The following RGS20 variants were observed in gnomAD, a reference collection of about 807,000 sequenced individuals.
RGS20 encodes gz-selective GTPase-activating protein.
In RGS20, 30 loss-of-function variants were observed where a neutral mutation model predicts 33.6. That is an observed-to-expected ratio of 0.89 (90% confidence interval 0.67 to 1.21). RGS20 has a LOEUF of 1.21. RGS20 is among the 50% of genes most tolerant of loss of function. RGS20 has a pLI of 0.00. For synonymous variants in RGS20, 208 were observed against 197.9 expected (o/e 1.05, Z -0.43); for missense variants, 472 against 502.4 (o/e 0.94, Z 0.58).
At position 53,877,482 on chromosome 8, in the gene RGS20, C is replaced by T. The variant is rs1226358956; in HGVS notation, c.166-1776C>T. On this transcript the variant is annotated intron_variant, in intron 1 of 5. Coordinates refer to ENST00000297313, the MANE Select transcript of RGS20 (RefSeq NM_170587.4). The surrounding 1 kb of genome is among the most constrained non-coding windows in gnomAD (Gnocchi z 5.7). ...CCAGCCGGAGGGGCGCGTCCCCTGT[C>T]CTCCTCCCGAGCGAGACGAACGCTC... Among the ~76,000 whole-genome samples the T allele has an allele frequency of 6.6e-6, 1 of 152,158 alleles. No individual in the cohort carries two copies. The highest frequency in any genetic ancestry group is 2.4e-5 in the African/African-American group (1 of 41,462).
intron 2 of RGS20, among the ~76,000 whole-genome samples, chr8:53,916,941 C>T (rs1456982722): frequency 1.3e-5 from 2 of 152,090 alleles, no homozygotes; most frequent in African/African-American, 2.4e-5. Flanking sequence ...TTCATAAGGA[C>T]ACGAATCCCT....
At chr8:53,867,262 G>T (rs1396520564) in intron 1 of RGS20, among the ~76,000 whole-genome samples, 1 of 151,900 alleles carries the variant, frequency 6.6e-6, no homozygotes, top group African/African-American at 2.4e-5. Flanking sequence ...AAGAGAAGTT[G>T]TTTTTTAAAA....
At chr8:53,888,486 G>A (rs1413636613) in intron 2 of RGS20, among the ~76,000 whole-genome samples, 2 of 152,064 alleles carry the variant, frequency 1.3e-5, no homozygotes, top group African/African-American at 2.4e-5. Context: ...GGAAATTTGG[G>A]GTTGAACAAC....
chr8:53,957,244 G>A (rs927004707), intron 5 of RGS20, among the ~76,000 whole-genome samples: 3 of 152,004 alleles, frequency 2.0e-5, no homozygotes, highest in East Asian at 3.9e-4. Context: ...CTCCTGCCTC[G>A]GCCTCCCGAG....
chr8:53,881,036 C>G (rs747710210), intron 2 of RGS20: 2 of 1,581,224 alleles, frequency 1.3e-6, no homozygotes. Context: ...CGGACGGAGG[C>G]GAGCCGGCCG....
intron 1 of RGS20, among the ~76,000 whole-genome samples, chr8:53,857,424 G>T (rs1436484787): frequency 6.6e-6 from 1 of 152,014 alleles, no homozygotes; most frequent in Non-Finnish European, 1.5e-5. Context: ...TTGGGAAAGT[G>T]AAAAAAGGTC....
chr8:53,857,365 C>A (rs1403511142), intron 1 of RGS20, among the ~76,000 whole-genome samples: 1 of 152,194 alleles, frequency 6.6e-6, no homozygotes, highest in Non-Finnish European at 1.5e-5. Context: ...GCAGTACTTA[C>A]TTGGTCTTCC....
chr8:53,874,332 A>T (rs1482480304), intron 1 of RGS20, among the ~76,000 whole-genome samples: 1 of 151,902 alleles, frequency 6.6e-6, no homozygotes, highest in East Asian at 1.9e-4. Flanking sequence ...GGTGTGCATT[A>T]GTCAAGGTTC....
chr8:53,923,602 A>T (rs1488415648), intron 2 of RGS20, among the ~76,000 whole-genome samples: 2 of 152,088 alleles, frequency 1.3e-5, no homozygotes, highest in Non-Finnish European at 2.9e-5. Context: ...CTCAAAAAAA[A>T]AAAAATTTCC....
At chr8:53,932,532 G>A (rs535937156) in intron 2 of RGS20, among the ~76,000 whole-genome samples, 4 of 152,344 alleles carry the variant, frequency 2.6e-5, no homozygotes, top group East Asian at 1.9e-4. Flanking sequence ...ACTAGGAGGA[G>A]CACACTGCAG....
intron 3 of RGS20, among the ~76,000 whole-genome samples, chr8:53,942,293 A>T (rs1003084881): frequency 1.6e-4 from 24 of 151,794 alleles, no homozygotes; most frequent in Non-Finnish European, 2.9e-4. Context: ...AATAAATAAA[A>T]AATAAAACAC....
intron 2 of RGS20, among the ~76,000 whole-genome samples, chr8:53,921,920 A>G (rs184297880): frequency 6.6e-5 from 10 of 152,244 alleles, no homozygotes; most frequent in Non-Finnish European, 1.3e-4. Flanking sequence ...ACGGCCTATT[A>G]TATGGTCTAT....
At chr8:53,880,808 TG>T in intron 2 of RGS20, 63 bp from the exon 1 acceptor site, 1 of 1,313,324 alleles carries the variant, frequency 7.6e-7, no homozygotes, top group Non-Finnish European at 9.8e-7. Context: ...GCGCCGCCGC[TG>T]GAGGGAGGCG....
At chr8:53,892,145 G>C (rs1812727108) in intron 2 of RGS20, among the ~76,000 whole-genome samples, 1 of 152,074 alleles carries the variant, frequency 6.6e-6, no homozygotes, top group South Asian at 2.1e-4. Context: ...GCGGTGTTTG[G>C]TTTTTTGTCC....
At position 53,869,956 on chromosome 8, in the gene RGS20, C is replaced by A. The variant is rs75549353; in HGVS notation, c.166-9302C>A. Among the ~76,000 whole-genome samples the A allele has an allele frequency of 7.0e-4, 106 of 152,238 alleles. 1 individual carries two copies. In the East Asian group the frequency reaches 0.02, roughly 29 times the overall value. On this transcript the variant is annotated intron_variant, in intron 1 of 5. Transcript: ENST00000297313. ...GTGTGGTTTGAACTTCCTGCAGGTG[C>A]TGCCCAAGGAGGGAGCACCTGTGCT...
chr8:53,868,721 C>G (rs970234316), intron 1 of RGS20, among the ~76,000 whole-genome samples: 1 of 151,456 alleles, frequency 6.6e-6, no homozygotes, highest in African/African-American at 2.4e-5. Context: ...AAATTGTAAA[C>G]CTCCATGATA....
rs1814496852 is a variant in RGS20 at position 53,946,884 on chromosome 8, T to C, written c.743+136T>C. ...AGTAATATCCAATCATTATGTGGCC[T>C]CGCATTCCTCCCCTGCAGAATTCCA... On this transcript the variant is annotated intron_variant, in intron 4 of 5. Transcript: ENST00000297313. 7 of 619,174 alleles carry C rather than the reference T, an allele frequency of 1.1e-5. No individual in the cohort carries two copies. The South Asian group carries it at 1.8e-4, about 16-fold the overall frequency. The allele number at this position is 619,174 out of a possible 1,614,324, so 38.4% of individuals were successfully genotyped here.
At position 53,877,085 on chromosome 8, in the gene RGS20, C is replaced by T. The variant is rs1278444601; in HGVS notation, c.166-2173C>T. ...AGCTGGAGACGCCAAATTCTGGGACCCACGAAAGGCTTTGGAGCTCGCTCG... is the reference window on the plus strand; with the variant it reads ...AGCTGGAGACGCCAAATTCTGGGACTCACGAAAGGCTTTGGAGCTCGCTCG... On this transcript the variant is annotated intron_variant, in intron 1 of 5. Coordinates refer to ENST00000297313, the MANE Select transcript of RGS20 (RefSeq NM_170587.4). This position sits in a 1 kb window ranked among gnomAD's most constrained non-coding sequence, Gnocchi z 5.7. Among the ~76,000 whole-genome samples, 4 of 152,194 alleles carry T rather than the reference C, an allele frequency of 2.6e-5. No homozygotes were observed. Among genetic ancestry groups the T allele is most frequent in the Non-Finnish European group, 4.4e-5 (3 of 68,030 alleles).
chr8:53,895,594 C>T (rs16919648), intron 2 of RGS20, among the ~76,000 whole-genome samples: 13,441 of 152,080 alleles, frequency 0.088, 1,757 homozygotes, highest in African/African-American at 0.29. Context: ...CACCTCCAGC[C>T]CTCTGCCTGC....
Sources: gnomAD v4.1 joint callset for allele counts (sites outside exome capture counted in the v4.1 genomes callset) on GRCh38, gnomAD v4.1.1 for gene constraint, Gnocchi (gnomAD v3.1) non-coding constraint, MANE v1.5 for transcripts, NCBI Gene and HGNC (gene_info 2026-07-23, HGNC 2026-07-21) for gene names.